Variants in SYTL5 observed in about 807,000 individuals in gnomAD.
SYTL5 encodes the protein synaptotagmin-like protein 5.
In SYTL5, 34 loss-of-function variants were observed where a neutral mutation model predicts 55.9. The ratio of observed to expected loss-of-function variants is 0.61; its 90% confidence interval spans 0.46 to 0.81. SYTL5 has a LOEUF of 0.81. SYTL5 is among the 30% of genes least tolerant of loss of function. The pLI, the probability that SYTL5 is intolerant of heterozygous loss-of-function variation, is 0.00. For synonymous variants in SYTL5, 221 were observed against 188.7 expected, an observed-to-expected ratio of 1.17 and a Z score of -1.40; for missense variants, 637 against 546.7, an observed-to-expected ratio of 1.17 and a Z score of -1.65.
At chrX:37,982,999 A>G in the SYTL5 span, among the ~76,000 whole-genome samples, 1 of 111,458 alleles carries the variant, frequency 9.0e-6, no homozygotes, top group Admixed American at 9.5e-5. Flanking sequence ...AAGTTAACAT[A>G]TGATAAGCCC....
intron 5 of SYTL5, among the ~76,000 whole-genome samples, chrX:38,074,513 G>T (rs1936340446): frequency 9.0e-6 from 1 of 111,191 alleles, no homozygotes; most frequent in Non-Finnish European, 1.9e-5. Flanking sequence ...GGCCTCCCAA[G>T]TAGCTGGTAC....
the SYTL5 span, among the ~76,000 whole-genome samples, chrX:37,926,722 C>A: frequency 9.0e-6 from 1 of 111,681 alleles, no homozygotes; most frequent in Admixed American, 9.5e-5. Context: ...GGCTACCAGT[C>A]TCCAGAATCT....
At chrX:37,981,438 G>A in the SYTL5 span, among the ~76,000 whole-genome samples, 1 of 111,277 alleles carries the variant, frequency 9.0e-6, no homozygotes, top group Admixed American at 9.5e-5. Flanking sequence ...TGGGACTACA[G>A]GTGCATGCCA....
the SYTL5 span, among the ~76,000 whole-genome samples, chrX:37,933,473 G>C: frequency 9.0e-6 from 1 of 111,691 alleles, no homozygotes; most frequent in East Asian, 2.8e-4. Flanking sequence ...ACATTCCAGA[G>C]AATTATCATT....
the SYTL5 span, among the ~76,000 whole-genome samples, chrX:37,993,236 T>TGAA: frequency 4.5e-5 from 5 of 111,671 alleles, no homozygotes; most frequent in Admixed American, 1.9e-4. Context: ...CTAATGTCAA[T>TGAA]GAACAACAAC....
chrX:37,958,465 C>G, the SYTL5 span, among the ~76,000 whole-genome samples: 3 of 110,788 alleles, frequency 2.7e-5, no homozygotes, highest in African/African-American at 9.9e-5. Flanking sequence ...TTCTAATTAC[C>G]TTTCAAAGAC....
chrX:38,106,261 T>C (rs1937208624), intron 10 of SYTL5, among the ~76,000 whole-genome samples: 1 of 112,296 alleles, frequency 8.9e-6, no homozygotes, highest in Non-Finnish European at 1.9e-5. Flanking sequence ...GCTGCAGAGA[T>C]AGACGAGAAG....
chrX:38,000,981 T>C, the SYTL5 span, among the ~76,000 whole-genome samples: 1 of 111,235 alleles, frequency 9.0e-6, no homozygotes, highest in Non-Finnish European at 1.9e-5. Context: ...CTTGTTTCTC[T>C]GCCCGCGAAG....
chrX:38,100,038 T>C (rs1260591290), intron 9 of SYTL5, among the ~76,000 whole-genome samples: 1 of 111,390 alleles, frequency 9.0e-6, no homozygotes, highest in Non-Finnish European at 1.9e-5. Flanking sequence ...TTCCCTTTTT[T>C]TGGTAGTATC....
chrX:37,951,050 A>G, the SYTL5 span, among the ~76,000 whole-genome samples: 1 of 109,576 alleles, frequency 9.1e-6, no homozygotes, highest in Non-Finnish European at 1.9e-5. Flanking sequence ...CGAGGAATAA[A>G]AAAAAAAAAG....
At chrX:38,093,922 T>C (rs1175144465) in intron 7 of SYTL5, among the ~76,000 whole-genome samples, 1 of 110,974 alleles carries the variant, frequency 9.0e-6, no homozygotes, top group Admixed American at 9.6e-5. Flanking sequence ...AACAGAGTTC[T>C]AAGCTTGAGT....
chrX:38,010,289 C>T (rs771114752), intron 1 of SYTL5, among the ~76,000 whole-genome samples: 3 of 111,797 alleles, frequency 2.7e-5, no homozygotes, highest in Non-Finnish European at 3.8e-5. Flanking sequence ...AGTGTGGTTA[C>T]GAGGTGAAAG....
intron 3 of SYTL5, among the ~76,000 whole-genome samples, chrX:38,056,066 G>C (rs1032454257): frequency 1.8e-5 from 2 of 111,308 alleles, no homozygotes; most frequent in Non-Finnish European, 3.8e-5. Context: ...TATTTATTCT[G>C]TCTAACTATT....
chrX:37,982,717 A>G, the SYTL5 span, among the ~76,000 whole-genome samples: 2 of 111,946 alleles, frequency 1.8e-5, no homozygotes, highest in Non-Finnish European at 3.8e-5. Context: ...GTGACTCCAG[A>G]TGATAGCTGA....
At chrX:38,061,233 A>C (rs747348619) in intron 3 of SYTL5, among the ~76,000 whole-genome samples, 2 of 112,076 alleles carry the variant, frequency 1.8e-5, no homozygotes, top group East Asian at 5.5e-4. Context: ...GATATATCAA[A>C]ATTACTTCTC....
intron 13 of SYTL5, among the ~76,000 whole-genome samples, chrX:38,117,874 C>A (rs1036217570): frequency 9.0e-6 from 1 of 111,509 alleles, no homozygotes; most frequent in East Asian, 2.8e-4. Flanking sequence ...TAGAAGCTGT[C>A]AATCTTAAGA....
chrX:37,922,276 T>A, the SYTL5 span, among the ~76,000 whole-genome samples: 1 of 111,791 alleles, frequency 8.9e-6, no homozygotes, highest in Admixed American at 9.5e-5. Flanking sequence ...TGTGGCAATG[T>A]CACTTCCCTT....
At chrX:38,046,352 G>A (rs1187043520) in intron 2 of SYTL5, among the ~76,000 whole-genome samples, 2 of 111,754 alleles carry the variant, frequency 1.8e-5, no homozygotes, top group African/African-American at 6.5e-5. Flanking sequence ...CACATGGCTG[G>A]GGAGGCCTCA....
the SYTL5 span, among the ~76,000 whole-genome samples, chrX:37,960,805 TA>T: frequency 3.6e-4 from 35 of 96,512 alleles, no homozygotes; most frequent in Admixed American, 1.5e-3. Flanking sequence ...TTTATTTATT[TA>T]TTTATTTGAG....
Sources: gnomAD v4.1 joint callset for allele counts (sites outside exome capture counted in the v4.1 genomes callset) on GRCh38, gnomAD v4.1.1 for gene constraint, MANE v1.5 for transcripts, NCBI Gene and HGNC (gene_info 2026-07-23, HGNC 2026-07-21) for gene names.